Variants in OSBP2 observed in about 807,000 individuals in gnomAD.
OSBP2 encodes the protein oxysterol binding protein 2.
OSBP2 carries 66 observed loss-of-function variants against 96.0 expected under a neutral mutation model. That is an observed-to-expected ratio of 0.69 (90% CI 0.56 to 0.84). The LOEUF (loss-of-function observed/expected upper bound fraction) is 0.84. OSBP2 is among the 40% of genes least tolerant of loss of function. The pLI, the probability that OSBP2 is intolerant of heterozygous loss-of-function variation, is 0.00. For missense variants in OSBP2, 1,038 were observed against 1,222.7 expected (o/e 0.85, Z 2.25); for synonymous variants, 525 against 520.9 (o/e 1.01, Z -0.11).
At chr22:30,904,673 C>T (rs1281369849) in intron 12 of OSBP2, among the ~76,000 whole-genome samples, 1 of 152,150 alleles carries the variant, frequency 6.6e-6, no homozygotes, top group Non-Finnish European at 1.5e-5. Context: ...ACAAGGCCTG[C>T]TGGACAGTTA....
chr22:30,730,847 G>A (rs136362), intron 1 of OSBP2, among the ~76,000 whole-genome samples: 4,436 of 129,974 alleles, frequency 0.034, 201 homozygotes, highest in Middle Eastern at 0.063. Flanking sequence ...TTGGGGAAGG[G>A]CTTCTGGAAA....
intron 2 of OSBP2, among the ~76,000 whole-genome samples, chr22:30,747,442 C>T (rs1287353537): frequency 2.0e-5 from 3 of 152,148 alleles, no homozygotes; most frequent in Admixed American, 6.5e-5. Context: ...GTTCATGCCA[C>T]TGTACTCCAG....
At chr22:30,847,882 G>T (rs1023151778) in intron 2 of OSBP2, among the ~76,000 whole-genome samples, 1 of 151,976 alleles carries the variant, frequency 6.6e-6, no homozygotes, top group Non-Finnish European at 1.5e-5. Context: ...CCTCAATCTG[G>T]CTAGAGGTTT....
chr22:30,824,099 T>C (rs1866199842), intron 2 of OSBP2, among the ~76,000 whole-genome samples: 1 of 152,214 alleles, frequency 6.6e-6, no homozygotes, highest in African/African-American at 2.4e-5. Context: ...TGTGGAGGAA[T>C]GTCACCTTTG....
chr22:30,884,961 C>T (rs138204577), intron 3 of OSBP2, among the ~76,000 whole-genome samples: 25 of 152,300 alleles, frequency 1.6e-4, no homozygotes, highest in African/African-American at 5.8e-4. Context: ...CCTGGGAGAG[C>T]GATGCTGCAG....
chr22:30,889,029 T>C, intron 5 of OSBP2, 148 bp from the exon 6 acceptor site: 1 of 628,100 alleles, frequency 1.6e-6, no homozygotes, highest in Admixed American at 2.9e-5. Context: ...AATGTTGTTA[T>C]TGCGGTGCCT....
At chr22:30,828,555 A>G (rs2038453544) in intron 2 of OSBP2, among the ~76,000 whole-genome samples, 1 of 152,244 alleles carries the variant, frequency 6.6e-6, no homozygotes, top group Admixed American at 6.5e-5. Flanking sequence ...GCAGGAGTCC[A>G]TGAGCTCTGA....
At chr22:30,806,192 G>A (rs1802119649) in intron 2 of OSBP2, among the ~76,000 whole-genome samples, 1 of 152,168 alleles carries the variant, frequency 6.6e-6, no homozygotes, top group Non-Finnish European at 1.5e-5. Flanking sequence ...TCTGACTCTG[G>A]CCCTGCCTCT....
intron 8 of OSBP2, among the ~76,000 whole-genome samples, chr22:30,892,029 C>T (rs1226134656): frequency 6.6e-6 from 1 of 151,938 alleles, no homozygotes; most frequent in Admixed American, 6.6e-5. Context: ...GGGCGGTGCA[C>T]CCCGGGTGGG....
chr22:30,725,197 C>CAAA (rs113509824), intron 1 of OSBP2, among the ~76,000 whole-genome samples: 55 of 138,784 alleles, frequency 4.0e-4, no homozygotes, highest in East Asian at 3.3e-3. Context: ...AACAAAAAAA[C>CAAA]AAAAAAAAAA....
intron 2 of OSBP2, among the ~76,000 whole-genome samples, chr22:30,836,088 C>A (rs1326513924): frequency 2.6e-5 from 4 of 152,170 alleles, no homozygotes; most frequent in Non-Finnish European, 5.9e-5. Flanking sequence ...TCTCTTCTCT[C>A]CTCTGATCCA....
intron 12 of OSBP2, chr22:30,902,536 G>A: frequency 7.2e-7 from 1 of 1,380,168 alleles, no homozygotes; most frequent in Non-Finnish European, 1.0e-6. Flanking sequence ...GGAGGCAGGG[G>A]AGGTAGTCAC....
intron 2 of OSBP2, among the ~76,000 whole-genome samples, chr22:30,779,248 ATTTTT>A (rs567486168): frequency 0.013 from 1,509 of 119,700 alleles, 31 homozygotes; most frequent in East Asian, 0.043. Context: ...CACCCAGCTA[ATTTTT>A]TTTTTTTTTT....
At chr22:30,749,136 AGAATC>A (rs1244836495) in intron 2 of OSBP2, among the ~76,000 whole-genome samples, 2 of 152,178 alleles carry the variant, frequency 1.3e-5, no homozygotes, top group Non-Finnish European at 2.9e-5. Flanking sequence ...CAAACAAAAA[AGAATC>A]GTGTATTTAT....
At chr22:30,729,979 G>T (rs1427362758) in intron 1 of OSBP2, among the ~76,000 whole-genome samples, 1 of 151,758 alleles carries the variant, frequency 6.6e-6, no homozygotes, top group Non-Finnish European at 1.5e-5. Flanking sequence ...TTTTTTTTGA[G>T]ATGGAGTCTC....
At chr22:30,731,051 A>C (rs990598781) in intron 1 of OSBP2, among the ~76,000 whole-genome samples, 1 of 151,086 alleles carries the variant, frequency 6.6e-6, no homozygotes, top group African/African-American at 2.4e-5. Context: ...GCGGGCGCCT[A>C]TAGTCCCAGC....
chr22:30,839,672 T>C (rs1487722096), intron 2 of OSBP2, among the ~76,000 whole-genome samples: 1 of 151,676 alleles, frequency 6.6e-6, no homozygotes, highest in African/African-American at 2.4e-5. Flanking sequence ...TCATATCCTT[T>C]GCCCACTTTT....
chr22:30,778,367 T>A (rs1275500528), intron 2 of OSBP2, among the ~76,000 whole-genome samples: 5 of 151,440 alleles, frequency 3.3e-5, no homozygotes, highest in Non-Finnish European at 7.4e-5. Context: ...CACCGTGTTC[T>A]CCTTTCCCTG....
chr22:30,749,068 AT>A (rs1460072158), intron 2 of OSBP2, among the ~76,000 whole-genome samples: 2 of 152,168 alleles, frequency 1.3e-5, no homozygotes, highest in Non-Finnish European at 2.9e-5. Context: ...GTGAGCCGAG[AT>A]TGTGTCACTG....
Sources: allele counts gnomAD v4.1 joint callset (sites outside exome capture counted in the v4.1 genomes callset), GRCh38; gene constraint gnomAD v4.1.1; transcripts MANE v1.5; gene names NCBI Gene and HGNC (gene_info 2026-07-23, HGNC 2026-07-21).